The following ZFYVE28 variants were observed in gnomAD, a reference collection of about 807,000 sequenced individuals.
ZFYVE28 encodes the protein zinc finger FYVE-type containing 28, also known as lateral signaling target protein 2 homolog.
ZFYVE28 carries 40 observed loss-of-function variants against 82.1 expected under a neutral mutation model. The ratio of observed to expected loss-of-function variants is 0.49; its 90% CI spans 0.38 to 0.63. ZFYVE28 has a LOEUF of 0.63. Ranked by LOEUF, ZFYVE28 falls within the 30% of genes least tolerant of loss-of-function variation. ZFYVE28 has a pLI of 0.00. For missense variants in ZFYVE28, 1,321 were observed against 1,242.1 expected (o/e 1.06, Z -0.96); for synonymous variants, 612 against 546.1 (o/e 1.12, Z -1.68).
intron 6 of ZFYVE28, among the ~76,000 whole-genome samples, chr4:2,325,592 C>CTTTTTTT (rs58460729): frequency 2.0e-4 from 25 of 122,220 alleles, no homozygotes; most frequent in Non-Finnish European, 3.0e-4. Context: ...TTAAATCTTA[C>CTTTTTTT]TTTTTTTTTT....
chr4:2,405,513 C>T (rs1731783765), intron 1 of ZFYVE28, among the ~76,000 whole-genome samples: 1 of 152,250 alleles, frequency 6.6e-6, no homozygotes, highest in South Asian at 2.1e-4. Context: ...TGCCCCGCTC[C>T]CACTGCAGGC....
chr4:2,332,037 G>A lies in ZFYVE28; in HGVS notation c.701+3668C>T, dbSNP rs777511657. Among the ~76,000 whole-genome samples the A allele has an allele frequency of 2.0e-5, 3 of 152,234 alleles. No homozygotes were observed. Among genetic ancestry groups the A allele is most frequent in the Non-Finnish European group, 4.4e-5 (3 of 68,034 alleles). ...GGGAGCCCCTCAGAAGGGGACGGGA[G>A]CCTGGCCCGCAGCTCATGCTTGGTA... On this transcript the variant is annotated intron_variant, in intron 6 of 12. Coordinates refer to ENST00000290974, the MANE Select transcript of ZFYVE28 (RefSeq NM_020972.3). This position sits in a 1 kb window ranked among gnomAD's most constrained non-coding sequence, Gnocchi z 4.7.
intron 1 of ZFYVE28, chr4:2,364,906 A>T (rs982544492): frequency 1.0e-6 from 1 of 985,378 alleles, no homozygotes; most frequent in African/African-American, 1.7e-5. Flanking sequence ...GGCGGCGCGG[A>T]GGGACAGTGG....
chr4:2,308,627 C>CAGAAAGAAAA (rs1553830472), intron 7 of ZFYVE28, among the ~76,000 whole-genome samples: 2 of 79,584 alleles, frequency 2.5e-5, no homozygotes, highest in East Asian at 7.5e-4. Context: ...AGAAAGAAGA[C>CAGAAAGAAAA]AGAAAGAAAG....
At position 2,270,456 on chromosome 4, in the gene ZFYVE28, G is replaced by T. The variant is rs1349617034; in HGVS notation, c.*269C>A. ...CAGTGGGAGGGCCCAGGCCTTCTCC[G>T]CCAGGCACCCTGCCCTGAGGCAGCC... On this transcript the variant is annotated 3_prime_UTR_variant, in exon 13 of 13. Coordinates refer to ENST00000290974, the MANE Select transcript of ZFYVE28 (RefSeq NM_020972.3). The T allele has an allele frequency of 5.9e-6, 3 of 510,948 alleles. No individual in the cohort carries two copies. The highest frequency in any genetic ancestry group is 1.1e-5 in the Non-Finnish European group (3 of 281,992). The allele number at this position is 510,948 out of a possible 1,614,324, so 31.7% of individuals were successfully genotyped here.
rs371107576 is a variant in ZFYVE28 at position 2,270,743 on chromosome 4, G to T, written c.2646C>A (p.Ser882Arg). The T allele has an allele frequency of 3.1e-6, 5 of 1,613,094 alleles. No individual in the cohort carries two copies. In the African/African-American group the frequency reaches 5.3e-5, roughly 17 times the overall value. ...CYMFHVTPFY[S>R]DKAGL ...CACCACGTCACAGGCCGGCCTTGTC[G>T]CTGTAGAAGGGCGTGACATGGAACA... The change falls in exon 13 of 13, where the codon AGC becomes AGA. Residue 882 changes from serine (S) to arginine (R), a missense_variant. Ser to Arg is a moderately radical substitution (Grantham distance 110, BLOSUM62 -1). This residue lies in a region of ZFYVE28 where 978 missense variants were observed against 833.7 expected (regional missense o/e 1.17). Coordinates refer to ENST00000290974, the MANE Select transcript of ZFYVE28 (RefSeq NM_020972.3).
At position 2,341,820 on chromosome 4, in the gene ZFYVE28, G is replaced by A. The variant is rs1028396994; in HGVS notation, c.181-205C>T. Among the ~76,000 whole-genome samples, 13 of 152,208 alleles carry A rather than the reference G, an allele frequency of 8.5e-5. No homozygotes were observed. The highest frequency in any genetic ancestry group is 1.8e-4 in the Non-Finnish European group (12 of 68,022). On this transcript the variant is annotated intron_variant, in intron 2 of 12. Transcript: ENST00000290974. The surrounding 1 kb of genome is among the most constrained non-coding windows in gnomAD (Gnocchi z 4.5). ...GGTTTACCTGAGGTTAGGAGTTTGA[G>A]ACCAGCCTGGCCAACATGGCGAAAC...
intron 1 of ZFYVE28, among the ~76,000 whole-genome samples, chr4:2,403,915 G>A (rs1390747719): frequency 6.6e-6 from 1 of 150,706 alleles, no homozygotes; most frequent in Non-Finnish European, 1.5e-5. Flanking sequence ...GTTGCAGCGA[G>A]CAGATATTGC....
rs1411891228 is a variant in ZFYVE28, at chr4:2,418,175, G to C, written c.39+110C>G. The C allele has an allele frequency of 9.6e-7, 1 of 1,040,726 alleles. No individual in the cohort carries two copies. Among genetic ancestry groups the C allele is most frequent in the Non-Finnish European group, 1.3e-6 (1 of 753,116 alleles). The allele number at this position is 1,040,726 out of a possible 1,614,324, so 64.5% of individuals were successfully genotyped here. ...GAAGGATGTCGGCGGTGGGGGAAGA[G>C]GCCGGCCACGGACAGGGAAAGGGAG... is the stretch of plus-strand genomic sequence containing the variant. On this transcript the variant is annotated intron_variant, in intron 1 of 12. Coordinates refer to ENST00000290974, the MANE Select transcript of ZFYVE28 (RefSeq NM_020972.3). The surrounding 1 kb of genome is among the most constrained non-coding windows in gnomAD (Gnocchi z 4.6).
chr4:2,366,469 G>A lies in ZFYVE28; in HGVS notation c.40-12396C>T, dbSNP rs73799858. Among the ~76,000 whole-genome samples, 933 of 152,286 alleles carry A rather than the reference G, an allele frequency of 6.1e-3. 10 individuals are homozygous for A. Among genetic ancestry groups the A allele is most frequent in the African/African-American group, 0.021 (884 of 41,560 alleles). ...TTCCCTGCACCTGCTGTCTCACCAA[G>A]CAGCACCCGTCTCCCGGCCAAGTTG... On this transcript the variant is annotated intron_variant, in intron 1 of 12. Coordinates refer to ENST00000290974, the MANE Select transcript of ZFYVE28 (RefSeq NM_020972.3).
At chr4:2,388,125 GC>G (rs985284089) in intron 1 of ZFYVE28, among the ~76,000 whole-genome samples, 2 of 152,200 alleles carry the variant, frequency 1.3e-5, no homozygotes, top group South Asian at 2.1e-4. Flanking sequence ...AGCACACACT[GC>G]CCCCCAGTCC....
chr4:2,386,733 T>C (rs1560319998), intron 1 of ZFYVE28, among the ~76,000 whole-genome samples: 2 of 152,250 alleles, frequency 1.3e-5, no homozygotes, highest in African/African-American at 4.8e-5. Flanking sequence ...TCCAGGACTG[T>C]AAGAAACCCA....
chr4:2,273,602 C>T (rs1005116393), intron 9 of ZFYVE28, among the ~76,000 whole-genome samples: 8 of 152,190 alleles, frequency 5.3e-5, no homozygotes, highest in South Asian at 4.1e-4. Context: ...CCAGGCTACG[C>T]GCTGAGGGAC....
chr4:2,389,934 G>A (rs1729655153), intron 1 of ZFYVE28, among the ~76,000 whole-genome samples: 1 of 152,226 alleles, frequency 6.6e-6, no homozygotes, highest in Non-Finnish European at 1.5e-5. Context: ...GCCTGGCTTG[G>A]ACGCCCAACG....
chr4:2,415,424 C>T (rs988841922), intron 1 of ZFYVE28, among the ~76,000 whole-genome samples: 6 of 146,480 alleles, frequency 4.1e-5, no homozygotes, highest in African/African-American at 1.0e-4. Context: ...TGAGTCCAGC[C>T]GGGGCAACAT....
chr4:2,313,867 A>AG (rs1717845057), intron 7 of ZFYVE28, among the ~76,000 whole-genome samples: 2 of 151,576 alleles, frequency 1.3e-5, no homozygotes, highest in African/African-American at 4.8e-5. Context: ...AAAAAAAAAA[A>AG]GAACGTGAAT....
At chr4:2,367,750 C>T (rs1727038878) in intron 1 of ZFYVE28, among the ~76,000 whole-genome samples, 1 of 152,228 alleles carries the variant, frequency 6.6e-6, no homozygotes, top group Non-Finnish European at 1.5e-5. Flanking sequence ...GGGTATCCCA[C>T]ACTCCTGGGC....
At chr4:2,359,735 G>A (rs1725849421) in intron 1 of ZFYVE28, among the ~76,000 whole-genome samples, 2 of 152,178 alleles carry the variant, frequency 1.3e-5, no homozygotes, top group Admixed American at 1.3e-4. Context: ...TGTGTGGAAG[G>A]CCCAGAAGCA....
intron 2 of ZFYVE28, among the ~76,000 whole-genome samples, chr4:2,345,787 T>C (rs1415027415): frequency 2.0e-5 from 3 of 151,364 alleles, no homozygotes; most frequent in African/African-American, 4.9e-5. Flanking sequence ...ATCTTTAAAG[T>C]AGCACGAGAA....
Sources: gnomAD v4.1 joint callset for allele counts (sites outside exome capture counted in the v4.1 genomes callset) on GRCh38, gnomAD v4.1.1 for gene constraint, gnomAD v4.1.1 regional missense constraint, Gnocchi (gnomAD v3.1) non-coding constraint, MANE v1.5 for transcripts, NCBI Gene and HGNC (gene_info 2026-07-23, HGNC 2026-07-21) for gene names.